JMJD1C: variants seen among roughly 807,000 people sequenced by gnomAD.
The protein encoded by JMJD1C is jumonji domain-containing protein 1C.
In JMJD1C, 31 loss-of-function variants were observed where a neutral mutation model predicts 245.3. The observed-to-expected ratio is 0.13, with a 90% CI of 0.09 to 0.17. The LOEUF (loss-of-function observed/expected upper bound fraction) is 0.17, where lower values mean the gene tolerates loss of function less well. JMJD1C is among the 10% of genes least tolerant of loss of function. The pLI, the probability that JMJD1C is intolerant of heterozygous loss-of-function variation, is 1.00. For synonymous variants in JMJD1C, 1,057 were observed against 1,017.4 expected (o/e 1.04, Z -0.74); for missense variants, 2,691 against 3,000.2 (o/e 0.90, Z 2.41).
chr10:63,175,708 C>T (rs1312940989), intron 24 of JMJD1C, among the ~76,000 whole-genome samples: 1 of 152,164 alleles, frequency 6.6e-6, no homozygotes. Flanking sequence ...AAGGGTTAAC[C>T]TGGGCTGTAG....
chr10:63,414,708 T>C (rs1431154303), intron 1 of JMJD1C, among the ~76,000 whole-genome samples: 4 of 152,074 alleles, frequency 2.6e-5, no homozygotes, highest in Admixed American at 2.6e-4. Flanking sequence ...GCCAACATGG[T>C]GAAACTTCAT....
chr10:63,329,863 T>C (rs1941952633), intron 2 of JMJD1C, among the ~76,000 whole-genome samples: 1 of 152,240 alleles, frequency 6.6e-6, no homozygotes, highest in South Asian at 2.1e-4. Flanking sequence ...CCTGATGATT[T>C]TGCCCAACTA....
At chr10:63,465,350 G>C in intron 1 of JMJD1C, 145 bp downstream of exon 1, 1 of 829,252 alleles carries the variant, frequency 1.2e-6, no homozygotes, top group South Asian at 1.8e-5. Flanking sequence ...CAAGGGATGC[G>C]GGCAAACGCG....
intron 1 of JMJD1C, among the ~76,000 whole-genome samples, chr10:63,478,334 A>G (rs958727509): frequency 6.6e-6 from 1 of 152,242 alleles, no homozygotes; most frequent in Non-Finnish European, 1.5e-5. Context: ...TCTACACCCA[A>G]ATGTACATAG....
intron 11 of JMJD1C, among the ~76,000 whole-genome samples, chr10:63,200,035 T>G (rs547832794): frequency 1.3e-4 from 20 of 152,294 alleles, no homozygotes; most frequent in Admixed American, 2.6e-4. Flanking sequence ...GAGATGGAAT[T>G]CACAACTAGA....
At chr10:63,174,178 C>T (rs1842658255) in intron 24 of JMJD1C, among the ~76,000 whole-genome samples, 1 of 152,168 alleles carries the variant, frequency 6.6e-6, no homozygotes, top group Non-Finnish European at 1.5e-5. Flanking sequence ...GGCAATCCCA[C>T]CATTCAGTAT....
At chr10:63,240,267 A>T (rs1851319055) in intron 3 of JMJD1C, among the ~76,000 whole-genome samples, 1 of 151,744 alleles carries the variant, frequency 6.6e-6, no homozygotes, top group Non-Finnish European at 1.5e-5. Context: ...CACTACAGAA[A>T]ATAAGGAGCA....
intron 2 of JMJD1C, among the ~76,000 whole-genome samples, chr10:63,274,693 T>C (rs1220449849): frequency 6.6e-6 from 1 of 152,226 alleles, no homozygotes; most frequent in Non-Finnish European, 1.5e-5. Context: ...CTAGTAGATA[T>C]GGACCTTAAG....
At chr10:63,415,676 A>G (rs1949757546) in intron 1 of JMJD1C, among the ~76,000 whole-genome samples, 1 of 152,228 alleles carries the variant, frequency 6.6e-6, no homozygotes, top group Admixed American at 6.5e-5. Context: ...TAAGACATAC[A>G]AAACAGTTAC....
At chr10:63,204,711 T>TC in intron 10 of JMJD1C, 4 of 985,422 alleles carry the variant, frequency 4.1e-6, no homozygotes, top group Non-Finnish European at 4.8e-6. Flanking sequence ...TTAATCCCCC[T>TC]CTCTGTCTTC....
At chr10:63,242,863 C>A (rs577001996) in intron 3 of JMJD1C, among the ~76,000 whole-genome samples, 81 of 151,844 alleles carry the variant, frequency 5.3e-4, no homozygotes, top group African/African-American at 1.9e-3. Flanking sequence ...ATTTAGAGTA[C>A]AAAGTGTTTT....
intron 3 of JMJD1C, among the ~76,000 whole-genome samples, chr10:63,238,764 T>C (rs1319088202): frequency 6.6e-6 from 1 of 152,202 alleles, no homozygotes; most frequent in Non-Finnish European, 1.5e-5. Context: ...GAATTATGTT[T>C]GAAATAGTCT....
Position 63,394,847 on chromosome 10 carries a change from A to C in JMJD1C, c.169-14365T>G, listed in dbSNP as rs565895874. Among the ~76,000 whole-genome samples the C allele has an allele frequency of 3.0e-3, 461 of 151,724 alleles. 3 individuals carry two copies. Among genetic ancestry groups the C allele is most frequent in the African/African-American group, 0.01 (429 of 41,434 alleles). ...CAACAAGAGTGAAACTCCATCACAA[A>C]AAAAAAAAAAAGTGATGTTAGATGC... On this transcript the variant is annotated intron_variant, in intron 1 of 25. Transcript: ENST00000399262.
chr10:63,304,339 C>T (rs984661354), intron 2 of JMJD1C, among the ~76,000 whole-genome samples: 1 of 152,122 alleles, frequency 6.6e-6, no homozygotes, highest in Non-Finnish European at 1.5e-5. Context: ...CTCTACTTTT[C>T]AGACACAGCC....
At chr10:63,420,223 G>C (rs1950043016) in intron 1 of JMJD1C, among the ~76,000 whole-genome samples, 1 of 151,470 alleles carries the variant, frequency 6.6e-6, no homozygotes, top group African/African-American at 2.4e-5. Flanking sequence ...AGATAAACAA[G>C]TACATGAGAA....
intron 24 of JMJD1C, among the ~76,000 whole-genome samples, chr10:63,168,848 T>A (rs959743032): frequency 6.6e-6 from 1 of 152,054 alleles, no homozygotes; most frequent in Non-Finnish European, 1.5e-5. Context: ...AGATATTAAA[T>A]TATCAATTTT....
chr10:63,521,638 GA>G, intron 1 of JMJD1C: 3 of 1,272,518 alleles, frequency 2.4e-6, no homozygotes, highest in Admixed American at 3.1e-5. Context: ...GTGGGAAGGG[GA>G]AGGAGCCGAG....
At chr10:63,370,146 C>G (rs1564842581) in intron 2 of JMJD1C, among the ~76,000 whole-genome samples, 1 of 152,176 alleles carries the variant, frequency 6.6e-6, no homozygotes, top group Non-Finnish European at 1.5e-5. Context: ...GGACTCTACC[C>G]TAAACATCTC....
intron 13 of JMJD1C, 62 bp downstream of exon 13, chr10:63,197,349 A>T: frequency 1.5e-6 from 2 of 1,361,820 alleles, no homozygotes; most frequent in Non-Finnish European, 2.0e-6. Flanking sequence ...CTCATGTTCT[A>T]GAAGAGTGAT....
Sources: gnomAD v4.1 joint callset for allele counts (sites outside exome capture counted in the v4.1 genomes callset) on GRCh38, gnomAD v4.1.1 for gene constraint, MANE v1.5 for transcripts, NCBI Gene and HGNC (gene_info 2026-07-23, HGNC 2026-07-21) for gene names.